DLG2: variants seen among roughly 807,000 people sequenced by gnomAD.
DLG2 encodes the protein discs large MAGUK scaffold protein 2.
Under a neutral mutation model 132.5 loss-of-function variants are expected in DLG2, and 45 were observed. The ratio of observed to expected loss-of-function variants is 0.34; its 90% CI spans 0.27 to 0.44. The LOEUF is 0.44. DLG2 is among the 20% of genes least tolerant of loss of function. The pLI is 1.00. For missense variants in DLG2, 1,045 were observed against 1,196.9 expected (o/e 0.87, Z 1.87); for synonymous variants, 424 against 419.6 (o/e 1.01, Z -0.13).
intron 3 of DLG2, among the ~76,000 whole-genome samples, chr11:85,483,169 C>T (rs756217676): frequency 2.6e-5 from 4 of 152,058 alleles, no homozygotes; most frequent in African/African-American, 7.2e-5. Flanking sequence ...AGAGAGGATC[C>T]TATTAGCAAG....
intron 5 of DLG2, among the ~76,000 whole-genome samples, chr11:85,131,234 AT>A (rs1461858594): frequency 2.6e-5 from 4 of 152,176 alleles, no homozygotes; most frequent in Non-Finnish European, 1.5e-5. Flanking sequence ...GGATTTCGGT[AT>A]TGATTTAATT....
chr11:84,773,173 A>T (rs1473919689), intron 6 of DLG2, among the ~76,000 whole-genome samples: 1 of 152,218 alleles, frequency 6.6e-6, no homozygotes, highest in African/African-American at 2.4e-5. Context: ...AAAACTAGAA[A>T]ATCTAAAGGA....
chr11:84,000,939 C>G (rs1586143), intron 11 of DLG2, among the ~76,000 whole-genome samples: 2 of 152,094 alleles, frequency 1.3e-5, no homozygotes, highest in African/African-American at 4.8e-5. Context: ...GTAAAGCACA[C>G]ATACAAAGGA....
intron 20 of DLG2, 151 bp downstream of exon 20, chr11:83,541,531 C>G: frequency 2.8e-6 from 2 of 703,948 alleles, no homozygotes; most frequent in Non-Finnish European, 4.4e-6. Context: ...TAATTCATGT[C>G]ACCTGTCACC....
chr11:84,938,438 A>G (rs1170728421), intron 6 of DLG2, among the ~76,000 whole-genome samples: 1 of 152,212 alleles, frequency 6.6e-6, no homozygotes. Context: ...TACTTTTGTT[A>G]AGAGTTTTGC....
intron 6 of DLG2, among the ~76,000 whole-genome samples, chr11:84,604,777 A>G (rs1222663811): frequency 6.6e-6 from 1 of 151,966 alleles, no homozygotes; most frequent in Non-Finnish European, 1.5e-5. Flanking sequence ...GATGGTTTAC[A>G]CTCAAAGCTG....
chr11:85,119,253 C>T (rs2074025033), intron 5 of DLG2, among the ~76,000 whole-genome samples: 1 of 151,906 alleles, frequency 6.6e-6, no homozygotes, highest in South Asian at 2.1e-4. Context: ...ACCGATTCTG[C>T]AGTCTGGGAT....
intron 6 of DLG2, among the ~76,000 whole-genome samples, chr11:85,022,988 C>G (rs921517152): frequency 6.6e-6 from 1 of 152,024 alleles, no homozygotes; most frequent in Non-Finnish European, 1.5e-5. Context: ...GAATGTAGTG[C>G]TCTTAGAGTT....
rs557550495 is a variant in DLG2 at position 85,511,591 on chromosome 11, A to G, written c.40+87066T>C. On this transcript the variant is annotated intron_variant, in intron 3 of 27. Coordinates refer to ENST00000376104, the MANE Select transcript of DLG2 (RefSeq NM_001142699.3). ...AGCAGAACCTAAATGATATCTTTCA[A>G]GAATGCAATACAAGGGACTATGCAT... 2.6e-5 allele frequency among the ~76,000 whole-genome samples: 4 copies of G among 152,194 alleles called. 1 individual carries two copies. The South Asian group carries it at 8.3e-4, about 32-fold the overall frequency.
intron 7 of DLG2, among the ~76,000 whole-genome samples, chr11:84,449,007 T>G (rs1441548120): frequency 6.6e-6 from 1 of 151,936 alleles, no homozygotes; most frequent in Non-Finnish European, 1.5e-5. Context: ...CATTTGTTAT[T>G]ACCCTCTATT....
intron 4 of DLG2, among the ~76,000 whole-genome samples, chr11:85,282,518 T>A (rs1177796738): frequency 6.6e-6 from 1 of 151,542 alleles, no homozygotes; most frequent in East Asian, 1.9e-4. Flanking sequence ...AAATAAAAAT[T>A]AAGAAAAAAC....
Position 83,851,920 on chromosome 11 carries a change from TAA to T in DLG2, c.1566-18152_1566-18151del, listed in dbSNP as rs754089296. Among the ~76,000 whole-genome samples, 1,014 of 128,320 alleles carry T rather than the reference TAA, an allele frequency of 7.9e-3. 13 individuals carry two copies. Among genetic ancestry groups the T allele is most frequent in the African/African-American group, 0.019 (658 of 34,854 alleles). 84.2% of individuals were successfully genotyped at this position (128,320 alleles called of 152,430 possible). A position where few individuals can be genotyped will look rare whatever the true frequency, so the allele number is the denominator to read the frequency against. ...GGTGACAGAGCGAGACTCCGTCTCTTAAAAAAAAAAAAAAAAAAGACAGCCAT... is the reference window on the plus strand; with the variant it reads ...GGTGACAGAGCGAGACTCCGTCTCTTAAAAAAAAAAAAAAAAGACAGCCAT... On this transcript the variant is annotated intron_variant, in intron 16 of 27. Transcript: ENST00000376104.
chr11:84,866,284 T>C (rs2084551185), intron 6 of DLG2, among the ~76,000 whole-genome samples: 1 of 151,862 alleles, frequency 6.6e-6, no homozygotes, highest in Admixed American at 6.6e-5. Flanking sequence ...TCCAAACCAT[T>C]AAAAACAACA....
chr11:84,350,980 G>A (rs984001126), intron 7 of DLG2, among the ~76,000 whole-genome samples: 2 of 152,086 alleles, frequency 1.3e-5, no homozygotes, highest in African/African-American at 4.8e-5. Flanking sequence ...GAGAGTCATG[G>A]TTTGGCATCA....
At chr11:83,499,895 A>ATATCTATC (rs1555113456) in intron 21 of DLG2, among the ~76,000 whole-genome samples, 16 of 114,542 alleles carry the variant, frequency 1.4e-4, no homozygotes, top group African/African-American at 5.5e-4. Flanking sequence ...ATATATATAT[A>ATATCTATC]TATCAGTTCT....
chr11:84,366,207 C>A (rs1304886463), intron 7 of DLG2, among the ~76,000 whole-genome samples: 8 of 151,780 alleles, frequency 5.3e-5, no homozygotes, highest in African/African-American at 1.9e-4. Flanking sequence ...CATATCCAGC[C>A]AAACTAAGCT....
At position 85,092,792 on chromosome 11, in the gene DLG2, G is replaced by A. The variant is rs577057396; in HGVS notation, c.357+18869C>T. Among the ~76,000 whole-genome samples the A allele has an allele frequency of 2.5e-3, 377 of 152,004 alleles. 4 individuals carry two copies. The highest frequency in any genetic ancestry group is 2.9e-3 in the Non-Finnish European group (198 of 67,972). On this transcript the variant is annotated intron_variant, in intron 6 of 27. Coordinates refer to ENST00000376104, the MANE Select transcript of DLG2 (RefSeq NM_001142699.3). ...CAAGTAGCTGGGACTACAGGCATGC[G>A]CTGCCACGACTGGCTAATTTTTGTA... is the stretch of plus-strand genomic sequence containing the variant.
At position 85,395,844 on chromosome 11, in the gene DLG2, G is replaced by A. The variant is rs146989631; in HGVS notation, c.41-110479C>T. Among the ~76,000 whole-genome samples, 875 of 152,314 alleles carry A rather than the reference G, an allele frequency of 5.7e-3. 1 individual carries two copies. The highest frequency in any genetic ancestry group is 0.011 in the Non-Finnish European group (717 of 68,020). Reference sequence around the variant, plus strand: ...CCACTTCTAAGGGCAGGGCATATCTGAACAAAAGGCAGCAGACAGCTTCTG... The same window carrying A: ...CCACTTCTAAGGGCAGGGCATATCTAAACAAAAGGCAGCAGACAGCTTCTG... On this transcript the variant is annotated intron_variant, in intron 3 of 27. Coordinates refer to ENST00000376104, the MANE Select transcript of DLG2 (RefSeq NM_001142699.3).
chr11:84,731,334 T>C (rs2063126255), intron 6 of DLG2, among the ~76,000 whole-genome samples: 1 of 151,958 alleles, frequency 6.6e-6, no homozygotes, highest in East Asian at 1.9e-4. Flanking sequence ...TAAGTACAGA[T>C]CAATGCAGTG....
Sources: allele counts gnomAD v4.1 joint callset (sites outside exome capture counted in the v4.1 genomes callset), GRCh38; gene constraint gnomAD v4.1.1; transcripts MANE v1.5; gene names NCBI Gene and HGNC (gene_info 2026-07-23, HGNC 2026-07-21).